Variants in THSD4 observed in about 807,000 individuals in gnomAD.
THSD4 encodes thrombospondin type-1 domain-containing protein 4.
Under a neutral mutation model 119.0 loss-of-function variants are expected in THSD4, and 69 were observed. That is an observed-to-expected ratio of 0.58 (90% confidence interval 0.48 to 0.71). The LOEUF (loss-of-function observed/expected upper bound fraction) is 0.71. Among genes scored for constraint, THSD4 ranks in the 30% least tolerant of loss-of-function variants. The probability of loss-of-function intolerance (pLI) is 0.00; values close to 1 mark genes in which losing one functional copy is unlikely to be tolerated. For synonymous variants in THSD4, 524 were observed against 540.4 expected (o/e 0.97, Z 0.42); for missense variants, 1,393 against 1,391.1 (o/e 1.00, Z -0.02).
intron 3 of THSD4, among the ~76,000 whole-genome samples, chr15:71,190,708 C>A (rs1411819069): frequency 2.6e-5 from 4 of 152,154 alleles, no homozygotes; most frequent in African/African-American, 9.7e-5. Flanking sequence ...TGGGTGGTAG[C>A]CACTGTCCTA....
At chr15:71,218,543 C>G (rs540129450) in intron 4 of THSD4, among the ~76,000 whole-genome samples, 1 of 152,250 alleles carries the variant, frequency 6.6e-6, no homozygotes, top group African/African-American at 2.4e-5. Flanking sequence ...CTATGAAGTT[C>G]CTGCAAGTTT....
At chr15:71,278,843 A>G (rs1452920151) in intron 6 of THSD4, among the ~76,000 whole-genome samples, 17 of 152,342 alleles carry the variant, frequency 1.1e-4, no homozygotes. Flanking sequence ...CATAGATTTC[A>G]TATGGTTATT....
rs1400977379 is a variant in THSD4 at position 71,118,515 on chromosome 15, C to T, written c.-80+2817C>T. On this transcript the variant is annotated intron_variant, in intron 1 of 17. Transcript: ENST00000261862. ...TCCCCAGCCACTCTGAGGTTTCCCC[C>T]GAGCAGCCTCCTTGGGCCTCTCCAG... Among the ~76,000 whole-genome samples the T allele has an allele frequency of 3.3e-5, 5 of 152,156 alleles. No homozygotes were observed. In the South Asian group the frequency reaches 8.3e-4, roughly 25 times the overall value.
At chr15:71,529,907 TG>T (rs2048583447) in intron 7 of THSD4, among the ~76,000 whole-genome samples, 2 of 152,218 alleles carry the variant, frequency 1.3e-5, no homozygotes, top group South Asian at 4.1e-4. Flanking sequence ...CTTAATGACC[TG>T]GTTTGTTGGG....
intron 3 of THSD4, among the ~76,000 whole-genome samples, chr15:71,213,691 G>A (rs965473093): frequency 3.3e-5 from 5 of 152,206 alleles, no homozygotes; most frequent in African/African-American, 4.8e-5. Flanking sequence ...TCTCTGAAAT[G>A]ACCAGTTAAA....
intron 7 of THSD4, among the ~76,000 whole-genome samples, chr15:71,534,531 A>C (rs1345605585): frequency 6.6e-6 from 1 of 152,216 alleles, no homozygotes; most frequent in Non-Finnish European, 1.5e-5. Context: ...TTTCCAAATG[A>C]GAATAATTTT....
intron 3 of THSD4, among the ~76,000 whole-genome samples, chr15:71,187,833 T>C (rs1415187359): frequency 6.6e-6 from 1 of 152,216 alleles, no homozygotes; most frequent in Non-Finnish European, 1.5e-5. Context: ...TTAATCTTCC[T>C]GAACCTCCAT....
At chr15:71,367,728 G>A (rs569061750) in intron 6 of THSD4, among the ~76,000 whole-genome samples, 1 of 152,262 alleles carries the variant, frequency 6.6e-6, no homozygotes, top group Non-Finnish European at 1.5e-5. Context: ...ATTGTGAACA[G>A]TGCTGCAATA....
At chr15:71,532,313 T>A (rs1208997630) in intron 7 of THSD4, among the ~76,000 whole-genome samples, 2 of 149,908 alleles carry the variant, frequency 1.3e-5, no homozygotes, top group Non-Finnish European at 3.0e-5. Context: ...TGTGTGTGTG[T>A]GTGTGTGTGT....
At chr15:71,635,167 G>T (rs1259110997) in intron 7 of THSD4, among the ~76,000 whole-genome samples, 3 of 152,196 alleles carry the variant, frequency 2.0e-5, no homozygotes, top group South Asian at 2.1e-4. Flanking sequence ...TTAACTGATT[G>T]CAGGGAATGT....
intron 7 of THSD4, among the ~76,000 whole-genome samples, chr15:71,630,497 G>C (rs2140943893): frequency 6.6e-6 from 1 of 152,308 alleles, no homozygotes; most frequent in South Asian, 2.1e-4. Context: ...TTAAAGAGGT[G>C]TGAGTGCTCT....
At position 71,285,967 on chromosome 15, in the gene THSD4, C is replaced by T. The variant is rs553266641; in HGVS notation, c.1015+29252C>T. Among the ~76,000 whole-genome samples the T allele has an allele frequency of 8.8e-4, 127 of 143,902 alleles. 2 individuals are homozygous for T. The South Asian group carries it at 0.024, about 27-fold the overall frequency. The allele number at this position is 143,902 out of a possible 152,430, so 94.4% of individuals were successfully genotyped here. A position where few individuals can be genotyped will look rare whatever the true frequency, so the allele number is the denominator to read the frequency against. On this transcript the variant is annotated intron_variant, in intron 6 of 17. Transcript: ENST00000261862. ...AATTTTTTTTTTCATTCAGCTAATA[C>T]TCAGGTTTTTTTCTACCAATTTTTT...
At chr15:71,316,900 T>C (rs1393397751) in intron 6 of THSD4, among the ~76,000 whole-genome samples, 1 of 152,196 alleles carries the variant, frequency 6.6e-6, no homozygotes, top group Non-Finnish European at 1.5e-5. Context: ...TAATAAACCA[T>C]TGTCAATGCT....
At chr15:71,421,188 A>C (rs1358048921) in intron 7 of THSD4, among the ~76,000 whole-genome samples, 1 of 95,542 alleles carries the variant, frequency 1.0e-5, no homozygotes, top group Non-Finnish European at 2.2e-5. Flanking sequence ...AAAAAAAAAA[A>C]GGAGTAGTTT....
chr15:71,658,118 T>C (rs1042424267), intron 7 of THSD4, among the ~76,000 whole-genome samples: 8 of 152,190 alleles, frequency 5.3e-5, no homozygotes, highest in Admixed American at 5.2e-4. Flanking sequence ...CGCTCCACAC[T>C]GCAGTCATTG....
chr15:71,673,008 G>A (rs2051564239), intron 8 of THSD4, among the ~76,000 whole-genome samples: 1 of 152,204 alleles, frequency 6.6e-6, no homozygotes, highest in South Asian at 2.1e-4. Context: ...CTCATAAAAT[G>A]AGTTAAGGAA....
intron 7 of THSD4, among the ~76,000 whole-genome samples, chr15:71,449,918 A>G (rs1326278979): frequency 6.6e-6 from 1 of 152,202 alleles, no homozygotes; most frequent in Non-Finnish European, 1.5e-5. Flanking sequence ...TGTAGACAGG[A>G]ACAAAAAACT....
intron 7 of THSD4, among the ~76,000 whole-genome samples, chr15:71,527,917 T>C (rs1017214567): frequency 6.6e-6 from 1 of 152,078 alleles, no homozygotes; most frequent in African/African-American, 2.4e-5. Flanking sequence ...CTTGCCATGT[T>C]GCCCAGGCTG....
chr15:71,754,201 T>C (rs1225865839), intron 14 of THSD4, among the ~76,000 whole-genome samples: 2 of 151,886 alleles, frequency 1.3e-5, no homozygotes, highest in Admixed American at 1.3e-4. Flanking sequence ...GCGATTCTTC[T>C]GTTTCAGCCT....
Sources: allele counts gnomAD v4.1 joint callset (sites outside exome capture counted in the v4.1 genomes callset), GRCh38; gene constraint gnomAD v4.1.1; transcripts MANE v1.5; gene names NCBI Gene and HGNC (gene_info 2026-07-23, HGNC 2026-07-21).